MGA: variants seen among roughly 807,000 people sequenced by gnomAD.
The protein encoded by MGA is MAX dimerization protein MGA.
In MGA, 40 loss-of-function variants were observed where a neutral mutation model predicts 261.1. The observed-to-expected ratio is 0.15, with a 90% CI of 0.12 to 0.20. The LOEUF is 0.20. Ranked by LOEUF, MGA falls within the 10% of genes least tolerant of loss-of-function variation. MGA has a pLI of 1.00. For synonymous variants in MGA, 1,302 were observed against 1,290.6 expected (o/e 1.01, Z -0.19); for missense variants, 3,397 against 3,630.5 (o/e 0.94, Z 1.65).
At chr15:41,702,017 T>G (rs145636281) in intron 5 of MGA, among the ~76,000 whole-genome samples, 4 of 152,234 alleles carry the variant, frequency 2.6e-5, no homozygotes, top group Non-Finnish European at 5.9e-5. Flanking sequence ...AACCTTGGCT[T>G]CCTTTAAAAA....
In MGA at chr15:41,711,094, A is replaced by G. The variant is rs373891191; in HGVS notation, c.2829A>G (p.Ser943=). ...GAGATAAGGTTACCAAGAATTCTTC[A>G]GGCATCATCTCAGAAAATCAGGCGA... The change falls in exon 8 of 24, where the codon TCA becomes TCG. Residue 943 remains serine (S), a synonymous_variant. Coordinates refer to ENST00000219905, the MANE Select transcript of MGA (RefSeq NM_001164273.2). The G allele has an allele frequency of 1.5e-4, 238 of 1,613,952 alleles. No individual in the cohort carries two copies. The highest frequency in any genetic ancestry group is 2.0e-4 in the Non-Finnish European group (232 of 1,179,902).
chr15:41,711,174 T>G lies in MGA; in HGVS notation c.2909T>G (p.Leu970Trp), dbSNP rs769130123. ...AATATATTTCCAAAGCAGATTAGTT[T>G]GCGGCAGGCACAGCAGCAGCAGCAA... Residue 970 changes from leucine (L) to tryptophan (W), a missense_variant, in exon 8 of 24, where the codon TTG (leucine) becomes TGG (tryptophan). Leu to Trp is a moderately conservative substitution (Grantham distance 61). This residue lies in a region of MGA where 519 missense variants were observed against 554.1 expected (regional missense o/e 0.94). Coordinates refer to ENST00000219905, the MANE Select transcript of MGA (RefSeq NM_001164273.2). 6.2e-7 allele frequency: 1 copy of G among 1,614,026 alleles called. No individual in the cohort carries two copies. The highest frequency in any genetic ancestry group is 1.1e-5 in the South Asian group (1 of 91,084).
intron 1 of MGA, among the ~76,000 whole-genome samples, chr15:41,631,822 A>T (rs1010049885): frequency 6.6e-6 from 1 of 152,196 alleles, no homozygotes; most frequent in Admixed American, 6.5e-5. Context: ...ATAAATACAT[A>T]AGCACAAATA....
chr15:41,623,422 G>A (rs1204493925), intron 1 of MGA, among the ~76,000 whole-genome samples: 1 of 152,078 alleles, frequency 6.6e-6, no homozygotes, highest in African/African-American at 2.4e-5. Context: ...TCAACTGTTT[G>A]GAGAAAAAAT....
chr15:41,719,478 T>C (rs2060825185), intron 9 of MGA, among the ~76,000 whole-genome samples: 1 of 152,186 alleles, frequency 6.6e-6, no homozygotes, highest in Non-Finnish European at 1.5e-5. Context: ...TGGTGGCTCA[T>C]GCCTGTAATC....
At chr15:41,683,910 C>A (rs1222525482) in intron 2 of MGA, among the ~76,000 whole-genome samples, 1 of 151,664 alleles carries the variant, frequency 6.6e-6, no homozygotes, top group Non-Finnish European at 1.5e-5. Context: ...TTTTCCCTTT[C>A]CTTTTTTTAA....
chr15:41,670,475 A>C (rs2057987647), intron 2 of MGA, among the ~76,000 whole-genome samples: 1 of 152,166 alleles, frequency 6.6e-6, no homozygotes, highest in African/African-American at 2.4e-5. Flanking sequence ...ACAAAGCTTC[A>C]GTTATGCCAG....
At chr15:41,700,415 G>T (rs975894377) in intron 5 of MGA, among the ~76,000 whole-genome samples, 5 of 151,956 alleles carry the variant, frequency 3.3e-5, no homozygotes, top group African/African-American at 1.2e-4. Flanking sequence ...CCACCAACAG[G>T]CTCTGGTGTG....
intron 5 of MGA, among the ~76,000 whole-genome samples, chr15:41,701,787 G>A (rs1450531956): frequency 6.6e-6 from 1 of 152,168 alleles, no homozygotes; most frequent in Non-Finnish European, 1.5e-5. Context: ...AGGTGTCTGA[G>A]CTATTACTTT....
At chr15:41,762,071 C>T in intron 21 of MGA, 58 bp from the exon 22 acceptor site, 1 of 1,370,626 alleles carries the variant, frequency 7.3e-7, no homozygotes, top group Non-Finnish European at 1.0e-6. Context: ...TCTGTTGACT[C>T]TGTTTCTCAT....
intron 12 of MGA, among the ~76,000 whole-genome samples, chr15:41,734,947 C>G (rs1265646784): frequency 6.6e-6 from 1 of 151,720 alleles, no homozygotes; most frequent in Non-Finnish European, 1.5e-5. Context: ...CTGGGGAAAT[C>G]TAGAAGGAGA....
At chr15:41,721,717 TA>T (rs1233208010) in intron 9 of MGA, among the ~76,000 whole-genome samples, 1 of 152,128 alleles carries the variant, frequency 6.6e-6, no homozygotes, top group Non-Finnish European at 1.5e-5. Flanking sequence ...CAACTATTGA[TA>T]AAGACAATGA....
chr15:41,710,455 A>C (rs2060334405), intron 7 of MGA, among the ~76,000 whole-genome samples: 1 of 152,056 alleles, frequency 6.6e-6, no homozygotes, highest in South Asian at 2.1e-4. Flanking sequence ...TTTTAGGGAC[A>C]GGGTCCTTGT....
chr15:41,690,795 C>T (rs2059237226), intron 2 of MGA, among the ~76,000 whole-genome samples: 1 of 152,098 alleles, frequency 6.6e-6, no homozygotes, highest in African/African-American at 2.4e-5. Context: ...GGGAGGATCA[C>T]TTGTTTCCAG....
intron 2 of MGA, among the ~76,000 whole-genome samples, chr15:41,693,557 T>G (rs2059401363): frequency 6.6e-6 from 1 of 152,124 alleles, no homozygotes; most frequent in South Asian, 2.1e-4. Flanking sequence ...TTTTATAAAG[T>G]TTTATGAAGA....
At chr15:41,755,049 G>C (rs916791928) in intron 18 of MGA, among the ~76,000 whole-genome samples, 1 of 152,194 alleles carries the variant, frequency 6.6e-6, no homozygotes, top group African/African-American at 2.4e-5. Flanking sequence ...AGTTGAACAG[G>C]TGAGATACAG....
intron 9 of MGA, among the ~76,000 whole-genome samples, chr15:41,719,594 T>G (rs934390450): frequency 6.6e-6 from 1 of 151,976 alleles, no homozygotes; most frequent in African/African-American, 2.4e-5. Flanking sequence ...TACAAAAAAT[T>G]AGCCTGGTGT....
At chr15:41,735,231 C>G (rs949556461) in intron 12 of MGA, among the ~76,000 whole-genome samples, 1 of 152,058 alleles carries the variant, frequency 6.6e-6, no homozygotes. Flanking sequence ...TTATGGGGGC[C>G]CTTGACATAC....
chr15:41,731,971 C>T (rs2061530123), intron 11 of MGA, among the ~76,000 whole-genome samples: 1 of 152,142 alleles, frequency 6.6e-6, no homozygotes, highest in Non-Finnish European at 1.5e-5. Flanking sequence ...ACATGTACTA[C>T]CTTATTTAAC....
Sources: gnomAD v4.1 joint callset for allele counts (sites outside exome capture counted in the v4.1 genomes callset) on GRCh38, gnomAD v4.1.1 for gene constraint, gnomAD v4.1.1 regional missense constraint, MANE v1.5 for transcripts, NCBI Gene and HGNC (gene_info 2026-07-23, HGNC 2026-07-21) for gene names.